The following LARGE1 variants were observed in gnomAD, a reference collection of about 807,000 sequenced individuals.
LARGE1 encodes LARGE xylosyl- and glucuronyltransferase 1, also known as xylosyl- and glucuronyltransferase LARGE1.
In LARGE1, 43 loss-of-function variants were observed where a neutral mutation model predicts 87.6. The ratio of observed to expected loss-of-function variants is 0.49; its 90% CI spans 0.38 to 0.63. The LOEUF (loss-of-function observed/expected upper bound fraction) is 0.63. Ranked by LOEUF, LARGE1 falls within the 30% of genes least tolerant of loss-of-function variation. LARGE1 has a pLI of 0.00. For synonymous variants in LARGE1, 434 were observed against 394.6 expected (o/e 1.10, Z -1.18); for missense variants, 802 against 1,000.2 (o/e 0.80, Z 2.67).
intron 11 of LARGE1, among the ~76,000 whole-genome samples, chr22:33,265,951 T>A (rs1347351892): frequency 6.6e-6 from 1 of 152,132 alleles, no homozygotes; most frequent in African/African-American, 2.4e-5. Context: ...CATATACACA[T>A]TCAAGTGTGA....
At chr22:33,885,922 G>C (rs2064831231) in intron 1 of LARGE1, among the ~76,000 whole-genome samples, 1 of 152,052 alleles carries the variant, frequency 6.6e-6, no homozygotes, top group Non-Finnish European at 1.5e-5. Context: ...CCCAGCTACT[G>C]GGGAGGCTAG....
intron 6 of LARGE1, among the ~76,000 whole-genome samples, chr22:33,498,123 G>C (rs1483247731): frequency 6.6e-6 from 1 of 152,132 alleles, no homozygotes; most frequent in Non-Finnish European, 1.5e-5. Flanking sequence ...GGCCTCAAGT[G>C]ATCCATCCAC....
chr22:33,342,246 T>C (rs1419755594), intron 9 of LARGE1, among the ~76,000 whole-genome samples: 1 of 152,158 alleles, frequency 6.6e-6, no homozygotes, highest in Non-Finnish European at 1.5e-5. Context: ...GCAGGAAGGT[T>C]GATGGATGTG....
At chr22:33,218,828 T>G (rs1420396271) in intron 11 of LARGE1, among the ~76,000 whole-genome samples, 1 of 152,118 alleles carries the variant, frequency 6.6e-6, no homozygotes, top group African/African-American at 2.4e-5. Context: ...TGCCATAATA[T>G]AGAGTGGTTG....
intron 6 of LARGE1, among the ~76,000 whole-genome samples, chr22:33,549,829 C>T: frequency 6.6e-6 from 1 of 152,136 alleles, no homozygotes; most frequent in Non-Finnish European, 1.5e-5. Context: ...TGAGTGAGAA[C>T]ATGCAGTATT....
intron 7 of LARGE1, among the ~76,000 whole-genome samples, chr22:33,423,417 C>T (rs1168834439): frequency 1.3e-5 from 2 of 151,896 alleles, no homozygotes; most frequent in Admixed American, 6.6e-5. Context: ...TGGCTCACGC[C>T]TGTAATCCCA....
At chr22:33,285,647 A>AC (rs1931388882) in intron 12 of LARGE1, among the ~76,000 whole-genome samples, 2 of 151,344 alleles carry the variant, frequency 1.3e-5, no homozygotes, top group East Asian at 3.9e-4. Flanking sequence ...AAACAAACAA[A>AC]AAAACCTTGT....
chr22:33,495,484 GC>G (rs780183896), intron 6 of LARGE1, among the ~76,000 whole-genome samples: 1 of 152,190 alleles, frequency 6.6e-6, no homozygotes, highest in Non-Finnish European at 1.5e-5. Context: ...ACTTTGGGAG[GC>G]CCAGGCGGGC....
intron 2 of LARGE1, among the ~76,000 whole-genome samples, chr22:33,672,330 C>T (rs909912725): frequency 6.6e-6 from 1 of 152,344 alleles, no homozygotes; most frequent in African/African-American, 2.4e-5. Flanking sequence ...ATCTATTAAC[C>T]CTTCCACCTC....
At chr22:33,601,297 A>T (rs910099496) in intron 5 of LARGE1, among the ~76,000 whole-genome samples, 7 of 152,130 alleles carry the variant, frequency 4.6e-5, no homozygotes, top group Admixed American at 6.5e-5. Context: ...AGCATGGACT[A>T]GGTAGGTGTA....
chr22:33,119,188 A>T, the LARGE1 span, among the ~76,000 whole-genome samples: 1 of 152,134 alleles, frequency 6.6e-6, no homozygotes, highest in African/African-American at 2.4e-5. Context: ...AGTGAAGATG[A>T]TAGGTAATGT....
intron 7 of LARGE1, among the ~76,000 whole-genome samples, chr22:33,431,306 G>T: frequency 6.6e-6 from 1 of 152,140 alleles, no homozygotes; most frequent in East Asian, 1.9e-4. Flanking sequence ...AGCATTCAAG[G>T]GACAGCTGGT....
intron 5 of LARGE1, among the ~76,000 whole-genome samples, chr22:33,583,389 T>C (rs532027404): frequency 3.7e-4 from 57 of 152,306 alleles, no homozygotes; most frequent in African/African-American, 1.1e-3. Flanking sequence ...AATAAATCAA[T>C]TTTATCTCTT....
intron 11 of LARGE1, chr22:33,221,623 C>T (rs368577372): frequency 6.6e-6 from 1 of 152,158 alleles, no homozygotes; most frequent in Non-Finnish European, 1.5e-5. Context: ...GGATTTATAT[C>T]GGCTTATACC....
Position 33,283,243 on chromosome 22 carries a change from C to G in LARGE1, c.1836G>C (p.Glu612Asp). Reference sequence around the variant, plus strand: ...TCCCCATGTCCAGCATTGACAGCAACTCCGCTTTTGACTTGGGGAAGGACA... The same window carrying G: ...TCCCCATGTCCAGCATTGACAGCAAGTCCGCTTTTGACTTGGGGAAGGACA... ...YRLSFPKSKA[E>D]LLSMLDMGTL... is the part of the protein sequence containing the mutation. The change falls in exon 13 of 15, where the codon GAG (glutamate) becomes GAC (aspartate). Residue 612 changes from glutamate to aspartate, a missense_variant. This residue lies in a region of LARGE1 where 625 missense variants were observed against 841.9 expected (regional missense o/e 0.74). Transcript: ENST00000397394. 1 of 1,614,216 alleles carries G rather than the reference C, an allele frequency of 6.2e-7. No homozygotes were observed. The highest frequency in any genetic ancestry group is 8.5e-7 in the Non-Finnish European group (1 of 1,180,044).
chr22:33,279,172 T>C (rs1929955235), intron 13 of LARGE1, among the ~76,000 whole-genome samples: 1 of 152,098 alleles, frequency 6.6e-6, no homozygotes, highest in African/African-American at 2.4e-5. Context: ...AATATGCCTC[T>C]AGAAGCTACA....
chr22:33,089,475 C>T, the LARGE1 span, among the ~76,000 whole-genome samples: 7 of 149,606 alleles, frequency 4.7e-5, no homozygotes, highest in Admixed American at 4.7e-4. Flanking sequence ...TCTTCTTCTT[C>T]CTCTTCCTCT....
upstream of LARGE1, among the ~76,000 whole-genome samples, chr22:33,921,175 C>A (rs1039860696): frequency 6.6e-6 from 1 of 151,964 alleles, no homozygotes; most frequent in Non-Finnish European, 1.5e-5. The surrounding 1 kb of genome is among the most constrained non-coding windows in gnomAD (Gnocchi z 4.1). Context: ...TTCGCCCCCG[C>A]ACAGGCTCCG....
chr22:33,104,945 T>TTCTTTCTTTCTTTCTTTCTCTTTC, the LARGE1 span, among the ~76,000 whole-genome samples: 1 of 137,564 alleles, frequency 7.3e-6, no homozygotes, highest in Non-Finnish European at 1.6e-5. Flanking sequence ...CTTTCTTTCT[T>TTCTTTCTTTCTTTCTTTCTCTTTC]TCTCTTTCTC....
Sources: allele counts gnomAD v4.1 joint callset (sites outside exome capture counted in the v4.1 genomes callset), GRCh38; gene constraint gnomAD v4.1.1; regional missense constraint gnomAD v4.1.1; non-coding constraint Gnocchi (gnomAD v3.1); transcripts MANE v1.5; gene names NCBI Gene and HGNC (gene_info 2026-07-23, HGNC 2026-07-21).